MYRIP: variants seen among roughly 807,000 people sequenced by gnomAD.
The protein encoded by MYRIP is rab effector MyRIP.
A neutral mutation model predicts 98.0 loss-of-function variants in MYRIP; 49 were observed. The observed-to-expected ratio is 0.50, with a 90% CI of 0.40 to 0.63. MYRIP has a LOEUF of 0.63. MYRIP is among the 30% of genes least tolerant of loss of function. The pLI is 0.00. For missense variants in MYRIP, 1,004 were observed against 1,058.2 expected, an observed-to-expected ratio of 0.95 and a Z score of 0.71; for synonymous variants, 404 against 409.5, an observed-to-expected ratio of 0.99 and a Z score of 0.16.
intron 11 of MYRIP, among the ~76,000 whole-genome samples, chr3:40,215,338 T>C (rs1307031121): frequency 6.6e-6 from 1 of 152,208 alleles, no homozygotes; most frequent in Non-Finnish European, 1.5e-5. Context: ...TTTTCATTTT[T>C]TTCAATTTTG....
intron 1 of MYRIP, among the ~76,000 whole-genome samples, chr3:39,873,931 G>T (rs1347156674): frequency 6.6e-6 from 1 of 152,012 alleles, no homozygotes; most frequent in Non-Finnish European, 1.5e-5. Flanking sequence ...ACCTTGGGCA[G>T]TATGGCCATT....
chr3:40,047,283 T>C (rs528444378), intron 3 of MYRIP, among the ~76,000 whole-genome samples: 1 of 152,354 alleles, frequency 6.6e-6, no homozygotes, highest in East Asian at 1.9e-4. Flanking sequence ...GAGGCTTAGG[T>C]AGTCCCATTT....
At chr3:40,187,788 C>T (rs1285977977) in intron 9 of MYRIP, among the ~76,000 whole-genome samples, 1 of 152,216 alleles carries the variant, frequency 6.6e-6, no homozygotes, top group East Asian at 1.9e-4. Flanking sequence ...GTGGAATGAG[C>T]CAACCAGGCC....
At chr3:40,034,894 T>A (rs957851632) in intron 2 of MYRIP, among the ~76,000 whole-genome samples, 1 of 151,332 alleles carries the variant, frequency 6.6e-6, no homozygotes, top group Non-Finnish European at 1.5e-5. Flanking sequence ...TATGCAGCCA[T>A]AAAAAAGGAT....
chr3:39,874,175 T>C (rs1180906205), intron 1 of MYRIP, among the ~76,000 whole-genome samples: 1 of 152,210 alleles, frequency 6.6e-6, no homozygotes, highest in Non-Finnish European at 1.5e-5. Context: ...CTTGTGATTT[T>C]TGTACATTGA....
intron 2 of MYRIP, among the ~76,000 whole-genome samples, chr3:39,907,901 A>G (rs1943919328): frequency 6.6e-6 from 1 of 152,156 alleles, no homozygotes; most frequent in African/African-American, 2.4e-5. Flanking sequence ...CCTAAACTGG[A>G]ATCACAGTTT....
chr3:39,817,743 ATGTAT>A (rs1182042734), intron 1 of MYRIP, among the ~76,000 whole-genome samples: 2 of 152,178 alleles, frequency 1.3e-5, no homozygotes, highest in Non-Finnish European at 2.9e-5. Flanking sequence ...CAGTAGCCGC[ATGTAT>A]TGTATAGTGT....
chr3:39,951,384 A>C (rs753957393), intron 2 of MYRIP, among the ~76,000 whole-genome samples: 12 of 152,224 alleles, frequency 7.9e-5, no homozygotes, highest in Non-Finnish European at 1.5e-4. Flanking sequence ...TATTTTTTTC[A>C]AGCTTCCAAG....
At chr3:40,166,712 A>G (rs1255978343) in intron 5 of MYRIP, 134 bp from the exon 6 acceptor site, 1 of 628,350 alleles carries the variant, frequency 1.6e-6, no homozygotes, top group Non-Finnish European at 2.8e-6. Context: ...GGGAAGGGCG[A>G]GGGCTTTGTG....
chr3:40,257,389 T>C (rs1335772342), intron 16 of MYRIP, among the ~76,000 whole-genome samples: 11 of 152,190 alleles, frequency 7.2e-5, no homozygotes, highest in Admixed American at 7.2e-4. Flanking sequence ...TACTGTGATA[T>C]CAATCCCATT....
chr3:40,001,037 G>A (rs1946506824), intron 2 of MYRIP, among the ~76,000 whole-genome samples: 1 of 152,076 alleles, frequency 6.6e-6, no homozygotes, highest in Non-Finnish European at 1.5e-5. Flanking sequence ...AGATGAATGT[G>A]GGTGGTGCAC....
At chr3:39,879,764 A>G (rs1456409009) in intron 1 of MYRIP, among the ~76,000 whole-genome samples, 9 of 152,098 alleles carry the variant, frequency 5.9e-5, no homozygotes, top group Non-Finnish European at 1.3e-4. Flanking sequence ...CAGATTTTTC[A>G]CGGTTCACTG....
intron 2 of MYRIP, among the ~76,000 whole-genome samples, chr3:40,000,417 G>T (rs2125784700): frequency 6.6e-6 from 1 of 152,260 alleles, no homozygotes; most frequent in South Asian, 2.1e-4. Context: ...CCCCAGGAAA[G>T]GTTCCTCCCC....
rs754935835 is a variant in MYRIP at position 40,251,912 on chromosome 3, C to T, written c.2460C>T (p.Thr820=). ...AEKIETSSVT[T]IKTFNHNFIL... is the part of the protein sequence containing the mutation. ...AAATTGAGACATCTTCAGTGACTAC[C>T]ATTAAAACATTTAACCACAACTTCA... is the stretch of plus-strand genomic sequence containing the variant. The change falls in exon 16 of 17, where the codon ACC becomes ACT. Residue 820 remains threonine (T), a synonymous_variant. Transcript: ENST00000302541. 1 of 1,613,462 alleles carries T rather than the reference C, an allele frequency of 6.2e-7. No individual in the cohort carries two copies. Among genetic ancestry groups the T allele is most frequent in the Admixed American group, 1.7e-5 (1 of 59,982 alleles).
chr3:40,050,279 G>A (rs1947764498), intron 3 of MYRIP, among the ~76,000 whole-genome samples: 1 of 152,130 alleles, frequency 6.6e-6, no homozygotes, highest in South Asian at 2.1e-4. Context: ...GATGTAGCTG[G>A]TGACTTCCAG....
intron 3 of MYRIP, among the ~76,000 whole-genome samples, chr3:40,115,125 C>A (rs899350300): frequency 6.6e-6 from 1 of 151,850 alleles, no homozygotes; most frequent in Admixed American, 6.5e-5. Context: ...TCTCCAAGCC[C>A]AAAAATTTGG....
chr3:40,059,156 C>T (rs1202660269), intron 3 of MYRIP, among the ~76,000 whole-genome samples: 1 of 152,076 alleles, frequency 6.6e-6, no homozygotes, highest in Non-Finnish European at 1.5e-5. Flanking sequence ...TGTATATGTG[C>T]CACATTTTCT....
At position 39,955,710 on chromosome 3, in the gene MYRIP, G is replaced by C. The variant is rs1437736779; in HGVS notation, c.110+54784G>C. On this transcript the variant is annotated intron_variant, in intron 2 of 16. Coordinates refer to ENST00000302541, the MANE Select transcript of MYRIP (RefSeq NM_015460.4). Reference sequence around the variant, plus strand: ...CTTAAATGTAAATGGGCTAAATGCTGCAATTAAAAGACACAGACTGGCAAA... The same window carrying C: ...CTTAAATGTAAATGGGCTAAATGCTCCAATTAAAAGACACAGACTGGCAAA... Among the ~76,000 whole-genome samples the C allele has an allele frequency of 3.9e-5, 6 of 152,178 alleles. No homozygotes were observed. The East Asian group carries it at 9.7e-4, about 25-fold the overall frequency.
chr3:40,040,331 A>G (rs1947481732), intron 2 of MYRIP, among the ~76,000 whole-genome samples: 1 of 139,108 alleles, frequency 7.2e-6, no homozygotes, highest in African/African-American at 2.7e-5. Context: ...AGGAAACAAC[A>G]GGTGCTGGAG....
Sources: gnomAD v4.1 joint callset for allele counts (sites outside exome capture counted in the v4.1 genomes callset) on GRCh38, gnomAD v4.1.1 for gene constraint, MANE v1.5 for transcripts, NCBI Gene and HGNC (gene_info 2026-07-23, HGNC 2026-07-21) for gene names.